RPS6KA2: variants seen among roughly 807,000 people sequenced by gnomAD.
The protein encoded by RPS6KA2 is ribosomal protein S6 kinase alpha-2.
RPS6KA2 carries 42 observed loss-of-function variants against 91.8 expected under a neutral mutation model. The ratio of observed to expected loss-of-function variants is 0.46; its 90% confidence interval spans 0.36 to 0.59. RPS6KA2 has a LOEUF of 0.59. Among genes scored for constraint, RPS6KA2 ranks in the 20% least tolerant of loss-of-function variants. The pLI is 0.00. For synonymous variants in RPS6KA2, 414 were observed against 393.6 expected, an observed-to-expected ratio of 1.05 and a Z score of -0.61; for missense variants, 798 against 978.5, an observed-to-expected ratio of 0.82 and a Z score of 2.46.
chr6:166,790,932 A>T (rs1165408174), intron 2 of RPS6KA2, among the ~76,000 whole-genome samples: 1 of 152,234 alleles, frequency 6.6e-6, no homozygotes, highest in Non-Finnish European at 1.5e-5. Flanking sequence ...AAGACCATCA[A>T]GGCTAGGAAG....
intron 1 of RPS6KA2, among the ~76,000 whole-genome samples, chr6:166,585,295 T>G (rs1785133608): frequency 6.6e-6 from 1 of 152,238 alleles, no homozygotes; most frequent in African/African-American, 2.4e-5. Context: ...CTTTAGCTTC[T>G]TCATTATGAC....
At chr6:166,480,859 A>G (rs1781191809) in intron 10 of RPS6KA2, among the ~76,000 whole-genome samples, 1 of 152,156 alleles carries the variant, frequency 6.6e-6, no homozygotes, top group Admixed American at 6.5e-5. Context: ...CATGTTGGCC[A>G]GGCTGGTCTT....
rs10541160 is a variant in RPS6KA2 at position 166,727,319 on chromosome 6, A to AACACACAC, written c.123+130873_123+130880dup. The stretch of plus-strand genomic sequence containing the variant: ...ATTATAGATCATACTTAAACAAACA[A>AACACACAC]ACACACACACACACACACACACACA... On this transcript the variant is annotated intron_variant, in intron 2 of 21. Coordinates refer to the RPS6KA2 transcript ENST00000503859. Among the ~76,000 whole-genome samples, 745 of 146,634 alleles carry AACACACAC rather than the reference A, an allele frequency of 5.1e-3. 4 individuals carry two copies. Among genetic ancestry groups the AACACACAC allele is most frequent in the African/African-American group, 0.017 (700 of 40,614 alleles).
At position 166,666,028 on chromosome 6, in the gene RPS6KA2, T is replaced by G. The variant is rs574341155; in HGVS notation, c.124-127244A>C. 6.6e-6 allele frequency among the ~76,000 whole-genome samples: 1 copy of G among 152,312 alleles called. No individual in the cohort carries two copies. The highest frequency in any genetic ancestry group is 1.5e-5 in the Non-Finnish European group (1 of 68,032). ...GCCCACATCACCACAGGCTGCGATCTGAAGGAGCAGAGATTAGCAATCTAG... is the reference window on the plus strand; with the variant it reads ...GCCCACATCACCACAGGCTGCGATCGGAAGGAGCAGAGATTAGCAATCTAG... On this transcript the variant is annotated intron_variant, in intron 2 of 21. Transcript: ENST00000503859. This position sits in a 1 kb window ranked among gnomAD's most constrained non-coding sequence, Gnocchi z 4.0.
At chr6:166,438,620 C>T (rs769253954) in intron 14 of RPS6KA2, among the ~76,000 whole-genome samples, 1 of 152,180 alleles carries the variant, frequency 6.6e-6, no homozygotes, top group South Asian at 2.1e-4. Flanking sequence ...TGAGCTTGTG[C>T]GGTCTTCTTC....
intron 10 of RPS6KA2, among the ~76,000 whole-genome samples, chr6:166,482,629 G>A (rs78936104): frequency 0.022 from 3,320 of 152,272 alleles, 104 homozygotes; most frequent in African/African-American, 0.075. Flanking sequence ...AGAAGGCTTC[G>A]GGCGATGATG....
At chr6:166,702,702 G>T (rs1243460802) in intron 2 of RPS6KA2, 2 of 1,317,294 alleles carry the variant, frequency 1.5e-6, no homozygotes, top group African/African-American at 1.4e-5. Context: ...CCCAGATCTC[G>T]TCTGGGCAGT....
chr6:166,747,203 G>A (rs1044064663), intron 2 of RPS6KA2, among the ~76,000 whole-genome samples: 2 of 152,150 alleles, frequency 1.3e-5, no homozygotes, highest in African/African-American at 4.8e-5. Flanking sequence ...AATCCTGCCT[G>A]TGGTCTCTGG....
chr6:166,757,805 T>A (rs769544339), intron 2 of RPS6KA2: 2 of 302,672 alleles, frequency 6.6e-6, no homozygotes, highest in African/African-American at 2.3e-5. Flanking sequence ...TTGAAAAAAC[T>A]CTGGCTGCAG....
chr6:166,429,632 G>T (rs534210394), intron 16 of RPS6KA2, among the ~76,000 whole-genome samples: 1 of 152,040 alleles, frequency 6.6e-6, no homozygotes, highest in South Asian at 2.1e-4. Flanking sequence ...TGTATTTTCA[G>T]TAGAGATGGG....
rs1315143115 is a variant in RPS6KA2, at chr6:166,635,907, C to G, written c.124-97123G>C. Among the ~76,000 whole-genome samples the G allele has an allele frequency of 6.6e-6, 1 of 152,196 alleles. No homozygotes were observed. Among genetic ancestry groups the G allele is most frequent in the Admixed American group, 6.5e-5 (1 of 15,288 alleles). On this transcript the variant is annotated intron_variant, in intron 2 of 21. Coordinates refer to the RPS6KA2 transcript ENST00000503859. The surrounding 1 kb of genome is among the most constrained non-coding windows in gnomAD (Gnocchi z 4.8). ...TCTGCGTCCACTCCAGGACAAGCCA[C>G]CAACCCTACTCTAGACCAGGGTGGT...
rs116296872 is a variant in RPS6KA2 at position 166,824,341 on chromosome 6, G to A, written c.123+33859C>T. Among the ~76,000 whole-genome samples, 356 of 152,302 alleles carry A rather than the reference G, an allele frequency of 2.3e-3. 2 individuals are homozygous for A. The highest frequency in any genetic ancestry group is 8.3e-3 in the African/African-American group (343 of 41,560). On this transcript the variant is annotated intron_variant, in intron 2 of 21. Coordinates refer to the RPS6KA2 transcript ENST00000503859. ...GTACAGAGAAGCCGCCGTGTGGGGC[G>A]ACTCTCCAGATAGCAGCCTGTCCCC...
intron 2 of RPS6KA2, among the ~76,000 whole-genome samples, chr6:166,772,561 G>A (rs543161799): frequency 3.0e-4 from 45 of 152,294 alleles, no homozygotes; most frequent in South Asian, 6.2e-4. Flanking sequence ...GGTGAGACCC[G>A]GTGGAACATA....
intron 11 of RPS6KA2, among the ~76,000 whole-genome samples, chr6:166,466,894 A>ACTCATTCACTCC: frequency 3.8e-5 from 1 of 26,500 alleles, no homozygotes; most frequent in Middle Eastern, 0.017. Context: ...TCATTCACTC[A>ACTCATTCACTCC]CTCCCTCATT....
intron 2 of RPS6KA2, among the ~76,000 whole-genome samples, chr6:166,651,917 C>T (rs1787864814): frequency 6.6e-6 from 1 of 152,246 alleles, no homozygotes; most frequent in African/African-American, 2.4e-5. Flanking sequence ...GCACTGTGCC[C>T]CCCAACGGCT....
At chr6:166,798,405 C>A (rs541494537) in intron 2 of RPS6KA2, among the ~76,000 whole-genome samples, 1 of 152,254 alleles carries the variant, frequency 6.6e-6, no homozygotes, top group Non-Finnish European at 1.5e-5. Context: ...GTGGACAACT[C>A]TGCTATTGAT....
rs1778808970 is a variant in RPS6KA2, at chr6:166,423,612, T to C, written c.1582-195A>G. ...CCCACCTTCTCCCATTCTCCTGTGGTGGTCACTCACTTCTGAGCTCCTGGT... is the reference window on the plus strand; with the variant it reads ...CCCACCTTCTCCCATTCTCCTGTGGCGGTCACTCACTTCTGAGCTCCTGGT... On this transcript the variant is annotated intron_variant, in intron 16 of 20. Coordinates refer to ENST00000265678, the MANE Select transcript of RPS6KA2 (RefSeq NM_021135.6). The surrounding 1 kb of genome is among the most constrained non-coding windows in gnomAD (Gnocchi z 4.8). 6.6e-6 allele frequency among the ~76,000 whole-genome samples: 1 copy of C among 152,158 alleles called. No individual in the cohort carries two copies. The highest frequency in any genetic ancestry group is 1.5e-5 in the Non-Finnish European group (1 of 68,036).
At chr6:166,642,919 T>C (rs1787490088) in intron 2 of RPS6KA2, among the ~76,000 whole-genome samples, 3 of 152,152 alleles carry the variant, frequency 2.0e-5, no homozygotes, top group Admixed American at 1.3e-4. Flanking sequence ...TGAGGTAACA[T>C]TTTCCTCCAA....
intron 2 of RPS6KA2, among the ~76,000 whole-genome samples, chr6:166,746,870 C>A (rs1724318481): frequency 6.6e-6 from 1 of 152,186 alleles, no homozygotes; most frequent in African/African-American, 2.4e-5. Context: ...CTCATAGAAC[C>A]CAGAGAACCA....
Sources: allele counts gnomAD v4.1 joint callset (sites outside exome capture counted in the v4.1 genomes callset), GRCh38; gene constraint gnomAD v4.1.1; non-coding constraint Gnocchi (gnomAD v3.1); transcripts MANE v1.5; gene names NCBI Gene and HGNC (gene_info 2026-07-23, HGNC 2026-07-21).